CLVS2: variants seen among roughly 807,000 people sequenced by gnomAD.
The protein encoded by CLVS2 is clavesin-2.
In CLVS2, 19 loss-of-function variants were observed where a neutral mutation model predicts 29.0. The ratio of observed to expected loss-of-function variants is 0.66; its 90% CI spans 0.46 to 0.96. CLVS2 has a LOEUF of 0.96. Among genes scored for constraint, CLVS2 ranks in the 40% least tolerant of loss-of-function variants. CLVS2 has a pLI of 0.00. For missense variants in CLVS2, 294 were observed against 404.1 expected, an observed-to-expected ratio of 0.73 and a Z score of 2.34; for synonymous variants, 161 against 151.3, an observed-to-expected ratio of 1.06 and a Z score of -0.47.
In CLVS2 at chr6:123,032,085, C is replaced by T. The variant is rs575849910; in HGVS notation, c.565-16537C>T. On this transcript the variant is annotated intron_variant, in intron 3 of 5. Coordinates refer to ENST00000275162, the MANE Select transcript of CLVS2 (RefSeq NM_001010852.4). Reference sequence around the variant, plus strand: ...GTCTAATTGATTCCTGGTCTTGTTGCAGCGCTAATATCCTAGATTGGGTTC... The same window carrying T: ...GTCTAATTGATTCCTGGTCTTGTTGTAGCGCTAATATCCTAGATTGGGTTC... 3.3e-5 allele frequency among the ~76,000 whole-genome samples: 5 copies of T among 152,130 alleles called. No individual in the cohort carries two copies. In the South Asian group the frequency reaches 8.3e-4, roughly 25 times the overall value.
chr6:123,052,197 G>A (rs1772620552), intron 4 of CLVS2, among the ~76,000 whole-genome samples: 1 of 152,168 alleles, frequency 6.6e-6, no homozygotes, highest in Non-Finnish European at 1.5e-5. Flanking sequence ...GGCTTCCCAG[G>A]TTGGGCAGGG....
intron 3 of CLVS2, among the ~76,000 whole-genome samples, chr6:123,020,497 G>T (rs1359626639): frequency 6.6e-6 from 1 of 152,022 alleles, no homozygotes; most frequent in East Asian, 1.9e-4. Flanking sequence ...TAAAAATGAG[G>T]TGGCCTAACA....
rs906558005 is a variant in CLVS2 at position 123,067,386 on chromosome 6, A to G, written c.*3625A>G. 1.3e-5 allele frequency: 2 copies of G among 151,716 alleles called. No homozygotes were observed. The highest frequency in any genetic ancestry group is 3.0e-5 in the Non-Finnish European group (2 of 67,742). 9.4% of individuals were successfully genotyped at this position (151,716 alleles called of 1,614,324 possible). A position where few individuals can be genotyped will look rare whatever the true frequency, so the allele number is the denominator to read the frequency against. On this transcript the variant is annotated 3_prime_UTR_variant, in exon 6 of 6. Coordinates refer to ENST00000275162, the MANE Select transcript of CLVS2 (RefSeq NM_001010852.4). Reference sequence around the variant, plus strand: ...TTCTACAATGTAAAGGTTTATGGACATATCTCTGGTCCTTTAAAGAAGTTA... The same window carrying G: ...TTCTACAATGTAAAGGTTTATGGACGTATCTCTGGTCCTTTAAAGAAGTTA...
chr6:123,056,066 C>T, intron 5 of CLVS2, 40 bp downstream of exon 5: 1 of 1,352,182 alleles, frequency 7.4e-7, no homozygotes, highest in Admixed American at 1.8e-5. Context: ...TGGGCCAGGG[C>T]AGGGAGAGGC....
intron 5 of CLVS2, among the ~76,000 whole-genome samples, chr6:123,056,374 C>A (rs945121461): frequency 2.0e-5 from 3 of 152,122 alleles, no homozygotes; most frequent in African/African-American, 4.8e-5. Flanking sequence ...TCCACCCCCC[C>A]AAACCATCCT....
At chr6:123,055,743 G>A in intron 4 of CLVS2, 63 bp from the exon 5 acceptor site, 2 of 1,177,402 alleles carry the variant, frequency 1.7e-6, no homozygotes, top group East Asian at 4.7e-5. Context: ...CCCCCTGTAG[G>A]ATTTAGATGG....
At position 123,066,543 on chromosome 6, in the gene CLVS2, G is replaced by A. The variant is rs1772858788; in HGVS notation, c.*2782G>A. ...TCCATTTACTTCTTTCACCCTGCCT[G>A]TTCCATCTTCTATTTCTGATATTTT... On this transcript the variant is annotated 3_prime_UTR_variant, in exon 6 of 6. Transcript: ENST00000275162. 6.6e-6 allele frequency: 1 copy of A among 151,668 alleles called. No individual in the cohort carries two copies. The highest frequency in any genetic ancestry group is 6.6e-5 in the Admixed American group (1 of 15,184). The allele number at this position is 151,668 out of a possible 1,614,324, so 9.4% of individuals were successfully genotyped here.
At chr6:123,047,882 T>C (rs1430208538) in intron 3 of CLVS2, among the ~76,000 whole-genome samples, 2 of 152,284 alleles carry the variant, frequency 1.3e-5, no homozygotes, top group East Asian at 3.9e-4. Context: ...TTCATTTGGG[T>C]TAAGGGTTCC....
At chr6:123,007,733 T>C (rs1774690218) in intron 2 of CLVS2, among the ~76,000 whole-genome samples, 1 of 152,208 alleles carries the variant, frequency 6.6e-6, no homozygotes, top group Non-Finnish European at 1.5e-5. Flanking sequence ...CAGCATTCTT[T>C]TCACAAATTC....
intron 3 of CLVS2, among the ~76,000 whole-genome samples, chr6:123,045,142 G>GACACACACAC (rs112529316): frequency 3.4e-5 from 5 of 146,990 alleles, no homozygotes; most frequent in African/African-American, 1.2e-4. Flanking sequence ...CCTCTTTTGG[G>GACACACACAC]ACACACACAC....
At chr6:123,055,652 C>A (rs1402927320) in intron 4 of CLVS2, among the ~76,000 whole-genome samples, 154 bp from the exon 5 acceptor site, 4 of 152,142 alleles carry the variant, frequency 2.6e-5, no homozygotes, top group African/African-American at 9.7e-5. Context: ...ACCAGCTCTG[C>A]CTGTTTTACA....
At chr6:123,001,027 AAG>A (rs1774581856) in intron 2 of CLVS2, among the ~76,000 whole-genome samples, 1 of 152,238 alleles carries the variant, frequency 6.6e-6, no homozygotes, top group Admixed American at 6.5e-5. Flanking sequence ...ATCTAACAAA[AAG>A]ACTGTCATGT....
In CLVS2 at chr6:123,065,844, T is replaced by C. The variant is rs896873463; in HGVS notation, c.*2083T>C. ...TTTTCAGAATTCTGCCAGTTTCAGA[T>C]GTCAACCAGCATTGGCAGCTTCTTT... is the stretch of plus-strand genomic sequence containing the variant. On this transcript the variant is annotated 3_prime_UTR_variant, in exon 6 of 6. Transcript: ENST00000275162. The C allele has an allele frequency of 1.3e-5, 2 of 151,804 alleles. No homozygotes were observed. The highest frequency in any genetic ancestry group is 4.1e-4 in the South Asian group (2 of 4,830). 9.4% of individuals were successfully genotyped at this position (151,804 alleles called of 1,614,324 possible). A position where few individuals can be genotyped will look rare whatever the true frequency, so the allele number is the denominator to read the frequency against.
intron 2 of CLVS2, among the ~76,000 whole-genome samples, chr6:123,002,144 G>A (rs536640979): frequency 7.9e-5 from 12 of 152,106 alleles, no homozygotes; most frequent in Non-Finnish European, 1.8e-4. Flanking sequence ...ATGGCCATTC[G>A]AAAACAAACA....
At chr6:123,010,886 G>A in intron 2 of CLVS2, 99 bp from the exon 3 acceptor site, 2 of 714,364 alleles carry the variant, frequency 2.8e-6, no homozygotes, top group Non-Finnish European at 4.3e-6. Flanking sequence ...AGATTCTGAA[G>A]GTATTTTAAA....
chr6:123,028,108 C>G (rs1207305666), intron 3 of CLVS2, among the ~76,000 whole-genome samples: 2 of 152,072 alleles, frequency 1.3e-5, no homozygotes, highest in Non-Finnish European at 2.9e-5. Flanking sequence ...ACTTTCTAGA[C>G]CAATAATTAA....
At chr6:123,062,905 G>A (rs1345614330) in intron 5 of CLVS2, among the ~76,000 whole-genome samples, 1 of 152,136 alleles carries the variant, frequency 6.6e-6, no homozygotes, top group East Asian at 1.9e-4. Context: ...GACAGAGCAT[G>A]TTTCATTGAT....
At chr6:123,050,977 T>C (rs1221389659) in intron 4 of CLVS2, among the ~76,000 whole-genome samples, 1 of 152,094 alleles carries the variant, frequency 6.6e-6, no homozygotes, top group African/African-American at 2.4e-5. Context: ...ACTTTACCAT[T>C]TTAGTTAAAA....
At chr6:123,056,228 C>T (rs377502272) in intron 5 of CLVS2, among the ~76,000 whole-genome samples, 2 of 152,188 alleles carry the variant, frequency 1.3e-5, no homozygotes, top group Admixed American at 1.3e-4. Flanking sequence ...AATTTATTCT[C>T]TTAGCGGTTT....
Sources: gnomAD v4.1 joint callset for allele counts (sites outside exome capture counted in the v4.1 genomes callset) on GRCh38, gnomAD v4.1.1 for gene constraint, MANE v1.5 for transcripts, NCBI Gene and HGNC (gene_info 2026-07-23, HGNC 2026-07-21) for gene names.